Variants in ARHGEF10L observed in about 807,000 individuals in gnomAD.
The protein encoded by ARHGEF10L is rho guanine nucleotide exchange factor 10-like protein.
In ARHGEF10L, 69 loss-of-function variants were observed where a neutral mutation model predicts 141.2. The observed-to-expected ratio is 0.49, with a 90% CI of 0.40 to 0.60. The LOEUF (loss-of-function observed/expected upper bound fraction) is 0.60, where lower values mean the gene tolerates loss of function less well. ARHGEF10L is among the 20% of genes least tolerant of loss of function. The pLI, the probability that ARHGEF10L is intolerant of heterozygous loss-of-function variation, is 0.00. For synonymous variants in ARHGEF10L, 711 were observed against 718.5 expected, an observed-to-expected ratio of 0.99 and a Z score of 0.17; for missense variants, 1,482 against 1,734.3, an observed-to-expected ratio of 0.85 and a Z score of 2.58.
intron 28 of ARHGEF10L, 145 bp from the exon 29 acceptor site, chr1:17,696,703 T>C (rs2102627674): frequency 1.2e-6 from 1 of 820,302 alleles, no homozygotes; most frequent in Non-Finnish European, 1.8e-6. Context: ...AGCCAGAGCC[T>C]GTGGCCTTCG....
chr1:17,664,500 G>T lies in ARHGEF10L; in HGVS notation c.2914G>T (p.Gly972Trp). 1.2e-6 allele frequency: 2 copies of T among 1,607,878 alleles called. No homozygotes were observed. Residue 972 changes from glycine to tryptophan, a missense_variant, in exon 26 of 29, where the codon GGG becomes TGG. This residue lies in a region of ARHGEF10L where 858 missense variants were observed against 966.3 expected (regional missense o/e 0.89). Transcript: ENST00000361221. ...SPPVCLTVGP[G>W]PVRTLLSLED... ...TCCCGTGTGCCTGACTGTGGGGCCC[G>T]GGCCTGTCCGCACCCTGTTGAGCCT...
intron 1 of ARHGEF10L, among the ~76,000 whole-genome samples, chr1:17,578,569 C>T (rs917655083): frequency 6.6e-6 from 1 of 152,164 alleles, no homozygotes; most frequent in Non-Finnish European, 1.5e-5. Context: ...TGCCTGTAGT[C>T]CCAGCTACTG....
rs2061256736 is a variant in ARHGEF10L, at chr1:17,640,319, G to C, written c.2272+17G>C. On this transcript the variant is annotated intron_variant, in intron 21 of 28. Transcript: ENST00000361221. ...TCGGACTCCGTGAGTATAGCCCCAGGGAGAGTGCCTCAGGGGGCAGGGGTG... is the reference window on the plus strand; with the variant it reads ...TCGGACTCCGTGAGTATAGCCCCAGCGAGAGTGCCTCAGGGGGCAGGGGTG... 6.3e-7 allele frequency: 1 copy of C among 1,599,708 alleles called. No individual in the cohort carries two copies. Among genetic ancestry groups the C allele is most frequent in the Admixed American group, 1.7e-5 (1 of 59,310 alleles).
the ARHGEF10L span, among the ~76,000 whole-genome samples, chr1:17,518,101 C>T: frequency 1.4e-4 from 21 of 152,294 alleles, no homozygotes; most frequent in African/African-American, 5.1e-4. Context: ...TCCAGAGTAC[C>T]TATGGACAAT....
chr1:17,612,975 CCT>C, intron 7 of ARHGEF10L, 81 bp from the exon 8 acceptor site: 1 of 935,388 alleles, frequency 1.1e-6, no homozygotes, highest in Non-Finnish European at 1.7e-6. Context: ...TCCTTTCTCC[CCT>C]GTTGTCTGTG....
At chr1:17,588,348 C>A in intron 3 of ARHGEF10L, 98 bp from the exon 4 acceptor site, 1 of 1,344,190 alleles carries the variant, frequency 7.4e-7, no homozygotes, top group Non-Finnish European at 1.0e-6. Context: ...GCCCTGTCTG[C>A]GGCGCCCCTG....
chr1:17,552,610 T>C (rs1423491683), intron 1 of ARHGEF10L, among the ~76,000 whole-genome samples: 1 of 113,334 alleles, frequency 8.8e-6, no homozygotes, highest in African/African-American at 3.5e-5. Context: ...TTTTAGTAGA[T>C]ACAGGGTTTC....
At chr1:17,664,897 G>A (rs986641672) in intron 26 of ARHGEF10L, among the ~76,000 whole-genome samples, 1 of 152,194 alleles carries the variant, frequency 6.6e-6, no homozygotes, top group Non-Finnish European at 1.5e-5. Context: ...CCTTGGACTG[G>A]TACCCAGGAC....
At chr1:17,552,355 AGG>A (rs1450339347) in intron 1 of ARHGEF10L, among the ~76,000 whole-genome samples, 1 of 152,078 alleles carries the variant, frequency 6.6e-6, no homozygotes, top group Non-Finnish European at 1.5e-5. Context: ...TGTCCACTGT[AGG>A]CCTGAAGTGT....
chr1:17,668,855 C>T (rs1020920113), intron 26 of ARHGEF10L, among the ~76,000 whole-genome samples: 13 of 152,234 alleles, frequency 8.5e-5, no homozygotes, highest in African/African-American at 3.1e-4. Flanking sequence ...GCCGGCTCCA[C>T]CTTGGCGCTG....
At chr1:17,541,142 C>T in intron 1 of ARHGEF10L, among the ~76,000 whole-genome samples, 1 of 152,178 alleles carries the variant, frequency 6.6e-6, no homozygotes, top group East Asian at 1.9e-4. Context: ...GCTTGCCTTC[C>T]TGAGGCCCCC....
At chr1:17,687,905 T>C (rs973538693) in intron 27 of ARHGEF10L, among the ~76,000 whole-genome samples, 158 bp downstream of exon 27, 5 of 152,154 alleles carry the variant, frequency 3.3e-5, no homozygotes, top group Admixed American at 2.0e-4. Context: ...GGGGTTGGGA[T>C]TCACACCTAG....
chr1:17,539,529 G>A (rs1056317127), upstream of ARHGEF10L, among the ~76,000 whole-genome samples: 1 of 151,944 alleles, frequency 6.6e-6, no homozygotes, highest in Non-Finnish European at 1.5e-5. The surrounding 1 kb of genome is among the most constrained non-coding windows in gnomAD (Gnocchi z 6.0). Context: ...TGGGGGGCCG[G>A]TGGGCTGCCG....
At chr1:17,599,660 G>T (rs2080453949) in intron 4 of ARHGEF10L, among the ~76,000 whole-genome samples, 1 of 152,182 alleles carries the variant, frequency 6.6e-6, no homozygotes, top group Admixed American at 6.5e-5. Flanking sequence ...TCCTGGTCCA[G>T]AGAAGCCCTG....
chr1:17,576,172 T>G, intron 1 of ARHGEF10L, among the ~76,000 whole-genome samples: 1 of 144,546 alleles, frequency 6.9e-6, no homozygotes, highest in Non-Finnish European at 1.5e-5. Flanking sequence ...GTGTGAGGGG[T>G]GGGAGATGGT....
chr1:17,544,398 G>A (rs112091708), intron 1 of ARHGEF10L, among the ~76,000 whole-genome samples: 178 of 151,866 alleles, frequency 1.2e-3, no homozygotes, highest in African/African-American at 4.1e-3. Flanking sequence ...ACGTTCAAGC[G>A]ATTCTCATGC....
intron 1 of ARHGEF10L, among the ~76,000 whole-genome samples, chr1:17,578,558 G>A (rs1384040866): frequency 2.0e-5 from 3 of 152,144 alleles, no homozygotes; most frequent in Admixed American, 6.5e-5. Context: ...ATGGTGGTGT[G>A]TGCCTGTAGT....
intron 6 of ARHGEF10L, among the ~76,000 whole-genome samples, chr1:17,605,407 A>G (rs540155646): frequency 3.3e-5 from 5 of 152,280 alleles, no homozygotes; most frequent in African/African-American, 4.8e-5. Flanking sequence ...CGTAGATTCC[A>G]TGAGGTAATT....
Position 17,639,136 on chromosome 1 carries a change from T to A in ARHGEF10L, c.2171+447T>A, listed in dbSNP as rs2061186027. On this transcript the variant is annotated intron_variant, in intron 20 of 28. Transcript: ENST00000361221. This position sits in a 1 kb window ranked among gnomAD's most constrained non-coding sequence, Gnocchi z 4.3. ...AGACCCCAACTGAGGTTTGTGGAACTGATGACAGCCATAGCTGCTCGGCCT... is the reference window on the plus strand; with the variant it reads ...AGACCCCAACTGAGGTTTGTGGAACAGATGACAGCCATAGCTGCTCGGCCT... 6.6e-6 allele frequency among the ~76,000 whole-genome samples: 1 copy of A among 152,230 alleles called. No homozygotes were observed.
Sources: gnomAD v4.1 joint callset for allele counts (sites outside exome capture counted in the v4.1 genomes callset) on GRCh38, gnomAD v4.1.1 for gene constraint, gnomAD v4.1.1 regional missense constraint, Gnocchi (gnomAD v3.1) non-coding constraint, MANE v1.5 for transcripts, NCBI Gene and HGNC (gene_info 2026-07-23, HGNC 2026-07-21) for gene names.